Variants in PRB2 observed in about 807,000 individuals in gnomAD.
PRB2 encodes proline rich protein BstNI subfamily 2, also known as basic salivary proline-rich protein 2.
Under a neutral mutation model 8.3 loss-of-function variants are expected in PRB2, and 12 were observed. That is an observed-to-expected ratio of 1.45 (90% CI 0.93 to 2.35). PRB2 has a LOEUF of 2.35. PRB2 is among the 30% of genes most tolerant of loss of function. The pLI is 0.00. For missense variants in PRB2, 470 were observed against 507.0 expected (o/e 0.93, Z 0.70); for synonymous variants, 146 against 180.0 (o/e 0.81, Z 1.51).
intron 2 of PRB2, among the ~76,000 whole-genome samples, chr12:11,394,199 G>C (rs1334484154): frequency 2.0e-5 from 3 of 152,132 alleles, no homozygotes; most frequent in Non-Finnish European, 4.4e-5. Flanking sequence ...TTATAAAGAG[G>C]AGACAGAATG....
Position 11,393,299 on chromosome 12 carries a change from G to A in PRB2, c.779C>T (p.Pro260Leu). ...TGGGGGTGGTCCTTGTGGCTTTCCT[G>A]GAGGAGGTGGGGGACCTTGGGGCTG... is the stretch of plus-strand genomic sequence containing the variant. ...GNQPQGPPPP[P>L]GKPQGPPPQG... Residue 260 changes from proline to leucine, a missense_variant, in exon 3 of 4, where the codon CCA (proline) becomes CTA (leucine). Transcript: ENST00000389362. 1 of 1,438,446 alleles carries A rather than the reference G, an allele frequency of 7.0e-7. No homozygotes were observed. The highest frequency in any genetic ancestry group is 9.2e-7 in the Non-Finnish European group (1 of 1,087,000). The allele number at this position is 1,438,446 out of a possible 1,614,324, so 89.1% of individuals were successfully genotyped here.
At chr12:11,394,435 T>A in intron 2 of PRB2, 60 bp downstream of exon 2, 1 of 1,564,798 alleles carries the variant, frequency 6.4e-7, no homozygotes, top group South Asian at 1.1e-5. Flanking sequence ...ACTGGAGAAC[T>A]GATCCATTCA....
At chr12:11,391,733 A>C (rs755132548) in intron 3 of PRB2, 85 bp from the exon 4 acceptor site, 10 of 316,232 alleles carry the variant, frequency 3.2e-5, no homozygotes, top group South Asian at 2.4e-4. Flanking sequence ...ACTGCACTAC[A>C]GTACATGAGA....
Position 11,392,918 on chromosome 12 carries a change from T to A in PRB2, c.1160A>T (p.Asn387Ile), listed in dbSNP as rs1351284852. 5 of 1,605,846 alleles carry A rather than the reference T, an allele frequency of 3.1e-6. No homozygotes were observed. The highest frequency in any genetic ancestry group is 3.4e-5 in the Admixed American group (2 of 59,430). ...PQGPPPPAGG[N>I]PQQPQAPPAG... is the part of the protein sequence containing the mutation. The stretch of plus-strand genomic sequence containing the variant: ...AGGAGGTGCCTGAGGCTGCTGGGGA[T>A]TGCCTCCTGCTGGAGGTGGGGGACC... Residue 387 changes from asparagine to isoleucine, a missense_variant, in exon 3 of 4, where the codon AAT (asparagine) becomes ATT (isoleucine). By Grantham distance (149) the Asn-to-Ile change is moderately radical. Coordinates refer to ENST00000389362, the MANE Select transcript of PRB2 (RefSeq NM_006248.4).
chr12:11,394,479 A>G lies in PRB2; in HGVS notation c.100+16T>C. The G allele has an allele frequency of 6.2e-7, 1 of 1,611,814 alleles. No homozygotes were observed. On this transcript the variant is annotated intron_variant, in intron 2 of 3. Transcript: ENST00000389362. The stretch of plus-strand genomic sequence containing the variant: ...AAAAGACAGTCAGAACAGATTGAGA[A>G]TGAATCGGGATTTACCTGCTATTAG...
chr12:11,391,999 G>T (rs1864331581), intron 3 of PRB2, among the ~76,000 whole-genome samples: 1 of 95,726 alleles, frequency 1.0e-5, no homozygotes, highest in Non-Finnish European at 2.0e-5. Context: ...ACACAGATTG[G>T]TTAAAGAAAT....
chr12:11,394,629 T>G, intron 1 of PRB2, 99 bp from the exon 2 acceptor site: 10 of 1,435,012 alleles, frequency 7.0e-6, no homozygotes, highest in Non-Finnish European at 9.8e-6. Context: ...CCACACCCCA[T>G]GCATCCCCTA....
Position 11,392,829 on chromosome 12 carries a change from A to G in PRB2, c.1249T>C (p.Ter417ArgextTer10). ...ATCCTAGATGACTGGGGAGGCTGTC[A>G]CTGGGGAGGTCTGGAAGGTCTGCCC... ...QGGRPSRPPQ* is the reference protein window; with the variant it reads ...QGGRPSRPPQR The change falls in exon 3 of 4, where the codon TGA (stop) becomes CGA (arginine). Residue 417 changes from the stop codon to arginine (R), a stop_lost. Transcript: ENST00000389362. 1 of 1,515,980 alleles carries G rather than the reference A, an allele frequency of 6.6e-7. No individual in the cohort carries two copies. The allele number at this position is 1,515,980 out of a possible 1,614,324, so 93.9% of individuals were successfully genotyped here. A position where few individuals can be genotyped will look rare whatever the true frequency, so the allele number is the denominator to read the frequency against.
At chr12:11,394,800 C>A (rs866230641) in intron 1 of PRB2, among the ~76,000 whole-genome samples, 1 of 152,266 alleles carries the variant, frequency 6.6e-6, no homozygotes, top group East Asian at 1.9e-4. Flanking sequence ...ATTTAGTTCA[C>A]AAATGCCAGG....
chr12:11,391,964 C>G (rs1278556150), intron 3 of PRB2, among the ~76,000 whole-genome samples: 1 of 105,692 alleles, frequency 9.5e-6, no homozygotes, highest in African/African-American at 4.2e-5. Flanking sequence ...CAGTGAGAAG[C>G]TGAAACCACC....
In PRB2 at chr12:11,391,562, G is replaced by A. The variant is rs1864327017; in HGVS notation, c.*120C>T. 1 of 393,562 alleles carries A rather than the reference G, an allele frequency of 2.5e-6. No homozygotes were observed. The highest frequency in any genetic ancestry group is 1.8e-5 in the South Asian group (1 of 54,458). 24.4% of individuals were successfully genotyped at this position (393,562 alleles called of 1,614,324 possible). A position where few individuals can be genotyped will look rare whatever the true frequency, so the allele number is the denominator to read the frequency against. Reference sequence around the variant, plus strand: ...AAATTGCAAGCTAATTATTTTATTGGTATACAGAAGTTAGAGCTATGATGA... The same window carrying A: ...AAATTGCAAGCTAATTATTTTATTGATATACAGAAGTTAGAGCTATGATGA... On this transcript the variant is annotated 3_prime_UTR_variant, in exon 4 of 4. Transcript: ENST00000389362.
In PRB2 at chr12:11,393,745, G is replaced by C. The variant is rs748133522; in HGVS notation, c.333C>G (p.Pro111=). Residue 111 remains proline, a synonymous_variant, in exon 3 of 4, where the codon CCC becomes CCG. Coordinates refer to ENST00000389362, the MANE Select transcript of PRB2 (RefSeq NM_006248.4). The stretch of plus-strand genomic sequence containing the variant: ...CTTGTGGCTTTCCTGGAGGAGATCG[G>C]GGACTTCGGGACTTGTCTCCTTGTG... ...PPPQGDKSRS[P]RSPPGKPQGP... is the part of the protein sequence containing the mutation. 1.9e-6 allele frequency: 3 copies of C among 1,591,128 alleles called. No homozygotes were observed. In the East Asian group the frequency reaches 6.8e-5, roughly 36 times the overall value.
intron 2 of PRB2, 37 bp downstream of exon 2, chr12:11,394,458 G>A: frequency 2.5e-6 from 4 of 1,605,192 alleles, no homozygotes; most frequent in Non-Finnish European, 3.4e-6. Flanking sequence ...AGCAGAAAAA[G>A]ACAGTCAGAA....
In PRB2 at chr12:11,393,036, G is replaced by C; in HGVS notation, c.1042C>G (p.Pro348Ala). The change falls in exon 3 of 4, where the codon CCA becomes GCA. Residue 348 changes from proline (P) to alanine (A), a missense_variant. By Grantham distance (27) the Pro-to-Ala change is conservative. Coordinates refer to ENST00000389362, the MANE Select transcript of PRB2 (RefSeq NM_006248.4). ...GACTTGCTGCCTCCTTGTGGGGGTG[G>C]TCCTTGTGGCTTTCCTGGAGGTGGG... ...GPPPPGKPQGPPPQGGSKSRS... is the reference protein window; with the variant it reads ...GPPPPGKPQGAPPQGGSKSRS... 6.2e-7 allele frequency: 1 copy of C among 1,607,040 alleles called. No individual in the cohort carries two copies.
In PRB2 at chr12:11,393,397, T is replaced by C. The variant is rs1418706604; in HGVS notation, c.681A>G (p.Gln227=). Residue 227 remains glutamine (Q), a synonymous_variant, in exon 3 of 4, where the codon CAA becomes CAG. Coordinates refer to ENST00000389362, the MANE Select transcript of PRB2 (RefSeq NM_006248.4). ...GGGCACTTTGGGACTTGTTGTCTCC[T>C]TGTGGGGGTGGTCCTTGTGGCTTTC... ...PPGKPQGPPP[Q]GDNKSQSARS... is the part of the protein sequence containing the mutation. 4 of 1,588,262 alleles carry C rather than the reference T, an allele frequency of 2.5e-6. No individual in the cohort carries two copies. Among genetic ancestry groups the C allele is most frequent in the East Asian group, 2.3e-5 (1 of 43,856 alleles).
chr12:11,394,947 A>G lies in PRB2; in HGVS notation c.65-417T>C, dbSNP rs542539564. ...ATCTTACCCATACCACTCCCAGCACATTGAAATACTGCGTGTAAGGGAGAG... is the reference window on the plus strand; with the variant it reads ...ATCTTACCCATACCACTCCCAGCACGTTGAAATACTGCGTGTAAGGGAGAG... On this transcript the variant is annotated intron_variant, in intron 1 of 3. Coordinates refer to ENST00000389362, the MANE Select transcript of PRB2 (RefSeq NM_006248.4). Among the ~76,000 whole-genome samples the G allele has an allele frequency of 4.0e-4, 61 of 152,206 alleles. No individual in the cohort carries two copies. In the South Asian group the frequency reaches 9.1e-3, roughly 23 times the overall value.
chr12:11,393,566 C>G lies in PRB2; in HGVS notation c.512G>C (p.Arg171Pro). 1 of 1,553,150 alleles carries G rather than the reference C, an allele frequency of 6.4e-7. No homozygotes were observed. The highest frequency in any genetic ancestry group is 8.8e-7 in the Non-Finnish European group (1 of 1,140,034). The change falls in exon 3 of 4, where the codon CGA becomes CCA. Residue 171 changes from arginine (R) to proline (P), a missense_variant. Physicochemically the swap from Arg to Pro is moderately radical, Grantham distance 103 (BLOSUM62 -2). Coordinates refer to ENST00000389362, the MANE Select transcript of PRB2 (RefSeq NM_006248.4). ...CTTTCCTGGAGGAGATCGAGAACTTCGGGACTTGTTGTCTCCTTGTGGGGG... is the reference window on the plus strand; with the variant it reads ...CTTTCCTGGAGGAGATCGAGAACTTGGGGACTTGTTGTCTCCTTGTGGGGG... The part of the protein sequence containing the change: ...GPPPQGDNKS[R>P]SSRSPPGKPQ...
Position 11,393,478 on chromosome 12 carries a change from C to G in PRB2, c.600G>C (p.Lys200Asn). 8.8e-7 allele frequency: 1 copy of G among 1,141,034 alleles called. No homozygotes were observed. The highest frequency in any genetic ancestry group is 1.1e-6 in the Non-Finnish European group (1 of 870,038). The allele number at this position is 1,141,034 out of a possible 1,614,324, so 70.7% of individuals were successfully genotyped here. A position where few individuals can be genotyped will look rare whatever the true frequency, so the allele number is the denominator to read the frequency against. ...CTCCTTGTGGGGGTGGTCCTTGTGG[C>G]TTTCCTGGAGGAGGTGGGGGACCTT... ...QPQGPPPPPG[K>N]PQGPPPQGGN... The change falls in exon 3 of 4, where the codon AAG becomes AAC. Residue 200 changes from lysine to asparagine, a missense_variant. Coordinates refer to ENST00000389362, the MANE Select transcript of PRB2 (RefSeq NM_006248.4).
intron 1 of PRB2, 88 bp from the exon 2 acceptor site, chr12:11,394,618 A>C: frequency 2.0e-6 from 3 of 1,487,372 alleles, no homozygotes; most frequent in Non-Finnish European, 1.9e-6. Flanking sequence ...CAGACTTCTC[A>C]CCACACCCCA....
Sources: gnomAD v4.1 joint callset for allele counts (sites outside exome capture counted in the v4.1 genomes callset) on GRCh38, gnomAD v4.1.1 for gene constraint, MANE v1.5 for transcripts, NCBI Gene and HGNC (gene_info 2026-07-23, HGNC 2026-07-21) for gene names.